Variants in PTDSS2 observed in about 807,000 individuals in gnomAD.
PTDSS2 encodes phosphatidylserine synthase 2, also known as PSS-2.
Under a neutral mutation model 64.7 loss-of-function variants are expected in PTDSS2, and 41 were observed. The observed-to-expected ratio is 0.63, with a 90% confidence interval of 0.49 to 0.82. The LOEUF is 0.82. Ranked by LOEUF, PTDSS2 falls within the 40% of genes least tolerant of loss-of-function variation. PTDSS2 has a pLI of 0.00. For missense variants in PTDSS2, 485 were observed against 650.0 expected, an observed-to-expected ratio of 0.75 and a Z score of 2.76; for synonymous variants, 297 against 277.8, an observed-to-expected ratio of 1.07 and a Z score of -0.69.
At chr11:487,239 G>C in intron 5 of PTDSS2, 166 bp downstream of exon 5, 1 of 943,570 alleles carries the variant, frequency 1.1e-6, no homozygotes, top group Non-Finnish European at 1.6e-6. Flanking sequence ...ATGGTGGGCA[G>C]GGGGCCCCTG....
chr11:456,840 G>A (rs1328957453), intron 1 of PTDSS2, among the ~76,000 whole-genome samples: 6 of 152,132 alleles, frequency 3.9e-5, no homozygotes, highest in African/African-American at 1.4e-4. Flanking sequence ...GGTTCCCTGC[G>A]GTTTCCTCAT....
In PTDSS2 at chr11:486,989, A is replaced by G; in HGVS notation, c.486A>G (p.Gly162=). ...QFLKYVDPKL[G]VPLPERDYGG... is the part of the protein sequence containing the mutation. ...TAAAGTATGTTGACCCCAAGCTGGG[A>G]GTCCCACTGCCAGAGAGAGACTACG... Residue 162 remains glycine, a synonymous_variant, in exon 5 of 12, where the codon GGA becomes GGG. Transcript: ENST00000308020. The G allele has an allele frequency of 6.2e-7, 1 of 1,613,400 alleles. No individual in the cohort carries two copies. The highest frequency in any genetic ancestry group is 1.1e-5 in the South Asian group (1 of 91,020).
rs1441036506 is a variant in PTDSS2 at position 476,511 on chromosome 11, C to T, written c.367+2534C>T. On this transcript the variant is annotated intron_variant, in intron 3 of 11. Transcript: ENST00000308020. The surrounding 1 kb of genome is among the most constrained non-coding windows in gnomAD (Gnocchi z 4.9). ...TGCTTGGAGATGCACCAAATCCCTC[C>T]TGGGTGGCGGCATCACTGGGGACTG... Among the ~76,000 whole-genome samples the T allele has an allele frequency of 1.3e-5, 2 of 152,110 alleles. No individual in the cohort carries two copies. The highest frequency in any genetic ancestry group is 2.4e-5 in the African/African-American group (1 of 41,412).
rs1451915327 is a variant in PTDSS2 at position 490,537 on chromosome 11, G to A, written c.1419G>A (p.Leu473=). 1 of 1,612,118 alleles carries A rather than the reference G, an allele frequency of 6.2e-7. No individual in the cohort carries two copies. Among genetic ancestry groups the A allele is most frequent in the South Asian group, 1.1e-5 (1 of 90,960 alleles). Residue 473 remains leucine, a synonymous_variant, in exon 12 of 12, where the codon CTG becomes CTA. Coordinates refer to ENST00000308020, the MANE Select transcript of PTDSS2 (RefSeq NM_030783.3). The part of the protein sequence containing the change: ...QHPLGLDEDL[L]GPGVAEGEGA... ...CACTGGGGCTGGACGAAGACCTGCT[G>A]GGGCCTGGGGTGGCCGAGGGCGAGG...
chr11:484,374 T>G (rs1248961599), intron 4 of PTDSS2, among the ~76,000 whole-genome samples: 1 of 152,132 alleles, frequency 6.6e-6, no homozygotes, highest in African/African-American at 2.4e-5. Context: ...GAGCCTTGGG[T>G]CCTTACTGAA....
chr11:488,426 G>A, intron 7 of PTDSS2, 103 bp from the exon 8 acceptor site: 1 of 1,322,748 alleles, frequency 7.6e-7, no homozygotes, highest in Non-Finnish European at 1.1e-6. Flanking sequence ...GGCAGTGGGT[G>A]CAGGCTGAGG....
At chr11:484,448 G>A (rs945369740) in intron 4 of PTDSS2, among the ~76,000 whole-genome samples, 1 of 152,264 alleles carries the variant, frequency 6.6e-6, no homozygotes, top group Non-Finnish European at 1.5e-5. Flanking sequence ...AGCTCACAGA[G>A]GACGGGCATG....
At position 490,802 on chromosome 11, in the gene PTDSS2, G is replaced by A. The variant is rs557476714; in HGVS notation, c.*220G>A. 2.2e-5 allele frequency: 13 copies of A among 577,782 alleles called. No homozygotes were observed. The highest frequency in any genetic ancestry group is 1.8e-4 in the African/African-American group (9 of 51,140). 35.8% of individuals were successfully genotyped at this position (577,782 alleles called of 1,614,324 possible). On this transcript the variant is annotated 3_prime_UTR_variant, in exon 12 of 12. Transcript: ENST00000308020. The stretch of plus-strand genomic sequence containing the variant: ...TACGTGTGTATGCGTGTGTGTACGC[G>A]TGTGTACGCGCGTGTGTACACATGC...
At chr11:468,712 GTC>G (rs1335674966) in intron 2 of PTDSS2, among the ~76,000 whole-genome samples, 7 of 152,186 alleles carry the variant, frequency 4.6e-5, no homozygotes, top group South Asian at 4.1e-4. Context: ...TGGGAGGGGA[GTC>G]TCTGGATAAT....
intron 8 of PTDSS2, 92 bp from the exon 9 acceptor site, chr11:489,308 G>A: frequency 1.9e-6 from 2 of 1,080,282 alleles, no homozygotes; most frequent in Non-Finnish European, 2.7e-6. Flanking sequence ...CACAGGGCGG[G>A]GCCGGGTGAC....
intron 8 of PTDSS2, among the ~76,000 whole-genome samples, chr11:488,882 C>T (rs568421279): frequency 1.2e-4 from 19 of 152,346 alleles, no homozygotes; most frequent in Admixed American, 6.5e-4. Flanking sequence ...AATCCCTGGC[C>T]GGCCTGGCGC....
chr11:477,303 C>T (rs1389752708), intron 3 of PTDSS2, among the ~76,000 whole-genome samples: 1 of 152,214 alleles, frequency 6.6e-6, no homozygotes. Flanking sequence ...CTTCCTGGCT[C>T]CCTCTGAAGG....
intron 2 of PTDSS2, among the ~76,000 whole-genome samples, chr11:469,825 G>A (rs1027345182): frequency 6.6e-6 from 1 of 152,184 alleles, no homozygotes; most frequent in African/African-American, 2.4e-5. Flanking sequence ...CCCAGGATCA[G>A]CTGATCCTGG....
intron 1 of PTDSS2, among the ~76,000 whole-genome samples, chr11:452,165 C>T (rs1200064027): frequency 6.6e-6 from 1 of 152,172 alleles, no homozygotes; most frequent in African/African-American, 2.4e-5. Context: ...AGACGGGCTC[C>T]TCTGAGGTCC....
chr11:490,819 TAC>T lies in PTDSS2; in HGVS notation c.*241_*242del. On this transcript the variant is annotated 3_prime_UTR_variant, in exon 12 of 12. Transcript: ENST00000308020. ...GTGTACGCGTGTGTACGCGCGTGTG[TAC>T]ACATGCGTGGCCGCCTGTGGTGTGC... 28 of 452,732 alleles carry T rather than the reference TAC, an allele frequency of 6.2e-5. No individual in the cohort carries two copies. The highest frequency in any genetic ancestry group is 1.9e-4 in the South Asian group (6 of 31,840). 28.0% of individuals were successfully genotyped at this position (452,732 alleles called of 1,614,324 possible). A position where few individuals can be genotyped will look rare whatever the true frequency, so the allele number is the denominator to read the frequency against.
In PTDSS2 at chr11:460,270, C is replaced by T. The variant is rs763361010; in HGVS notation, c.266C>T (p.Thr89Met). The T allele has an allele frequency of 1.1e-5, 17 of 1,613,742 alleles. No individual in the cohort carries two copies. Among genetic ancestry groups the T allele is most frequent in the Admixed American group, 1.7e-5 (1 of 59,994 alleles). The change falls in exon 2 of 12, where the codon ACG becomes ATG. Residue 89 changes from threonine (T) to methionine (M), a missense_variant. By Grantham distance (81) the Thr-to-Met change is moderately conservative. Coordinates refer to ENST00000308020, the MANE Select transcript of PTDSS2 (RefSeq NM_030783.3). This position sits in a 1 kb window ranked among gnomAD's most constrained non-coding sequence, Gnocchi z 5.8. ...CTGCTGGAGGAAACACCTCAGGACA[C>T]GGCCTACAACACCAAGAGGTAAGCT... is the stretch of plus-strand genomic sequence containing the variant. ...VTLLEETPQD[T>M]AYNTKRGIVA...
At chr11:487,382 G>A in intron 5 of PTDSS2, 38 bp from the exon 6 acceptor site, 1 of 1,598,230 alleles carries the variant, frequency 6.3e-7, no homozygotes. Flanking sequence ...GGGGGTGGCT[G>A]TGCCCCAGGG....
chr11:458,140 A>G (rs1433539315), intron 1 of PTDSS2, among the ~76,000 whole-genome samples: 8 of 149,484 alleles, frequency 5.4e-5, no homozygotes, highest in South Asian at 2.1e-4. Flanking sequence ...TTTTTTGCCT[A>G]TTTTTTCATT....
intron 1 of PTDSS2, among the ~76,000 whole-genome samples, chr11:458,427 G>T (rs9666582): frequency 6.7e-6 from 1 of 150,328 alleles, no homozygotes; most frequent in African/African-American, 2.5e-5. Context: ...GGATGGTCTC[G>T]ATCTCCTGAC....
Sources: gnomAD v4.1 joint callset for allele counts (sites outside exome capture counted in the v4.1 genomes callset) on GRCh38, gnomAD v4.1.1 for gene constraint, Gnocchi (gnomAD v3.1) non-coding constraint, MANE v1.5 for transcripts, NCBI Gene and HGNC (gene_info 2026-07-23, HGNC 2026-07-21) for gene names.